DKK2: variants seen among roughly 807,000 people sequenced by gnomAD.
The protein encoded by DKK2 is dickkopf Wnt signaling pathway inhibitor 2.
Under a neutral mutation model 28.1 loss-of-function variants are expected in DKK2, and 11 were observed. That is an observed-to-expected ratio of 0.39 (90% CI 0.25 to 0.65). The LOEUF is 0.65. Ranked by LOEUF, DKK2 falls within the 30% of genes least tolerant of loss-of-function variation. The probability of loss-of-function intolerance (pLI) is 0.47; values close to 1 mark genes in which losing one functional copy is unlikely to be tolerated. For synonymous variants in DKK2, 135 were observed against 126.5 expected (o/e 1.07, Z -0.45); for missense variants, 326 against 335.5 (o/e 0.97, Z 0.22).
chr4:107,000,116 T>C (rs1210493754), intron 1 of DKK2, among the ~76,000 whole-genome samples: 2 of 152,166 alleles, frequency 1.3e-5, no homozygotes, highest in African/African-American at 4.8e-5. Context: ...TTATGAATAG[T>C]CAAGGATAAA....
chr4:106,980,748 C>T (rs1394398098), intron 1 of DKK2, among the ~76,000 whole-genome samples: 1 of 152,144 alleles, frequency 6.6e-6, no homozygotes, highest in Non-Finnish European at 1.5e-5. Context: ...ATTAAATGCA[C>T]TGTCATATTG....
intron 1 of DKK2, among the ~76,000 whole-genome samples, chr4:106,982,828 C>T (rs189798853): frequency 1.9e-3 from 277 of 145,210 alleles, no homozygotes; most frequent in African/African-American, 6.3e-3. Flanking sequence ...TGTTTGAGTC[C>T]AGAGTTCACA....
At chr4:106,964,307 T>C (rs1291615874) in intron 1 of DKK2, among the ~76,000 whole-genome samples, 2 of 152,116 alleles carry the variant, frequency 1.3e-5, no homozygotes, top group African/African-American at 4.8e-5. Flanking sequence ...TAAAAAATAT[T>C]GAACTCCTGG....
chr4:106,993,688 C>A (rs980272070), intron 1 of DKK2, among the ~76,000 whole-genome samples: 6 of 151,808 alleles, frequency 4.0e-5, no homozygotes, highest in African/African-American at 1.5e-4. Context: ...TGTTTTAAAC[C>A]TTTACATAAT....
Position 106,923,886 on chromosome 4 carries a change from C to T in DKK2, c.*68G>A, listed in dbSNP as rs943172094. ...TTCTTCTGCATCTGAACCTTATTTT[C>T]CACCATGCTATAATGCATTAAATAC... On this transcript the variant is annotated 3_prime_UTR_variant, in exon 4 of 4. Coordinates refer to ENST00000285311, the MANE Select transcript of DKK2 (RefSeq NM_014421.3). The T allele has an allele frequency of 5.8e-5, 91 of 1,574,194 alleles. 1 individual carries two copies. Among genetic ancestry groups the T allele is most frequent in the Non-Finnish European group, 4.8e-5 (55 of 1,155,534 alleles).
At chr4:106,968,985 G>C (rs1200613875) in intron 1 of DKK2, among the ~76,000 whole-genome samples, 2 of 152,026 alleles carry the variant, frequency 1.3e-5, no homozygotes, top group African/African-American at 4.8e-5. Context: ...TCAATTTATA[G>C]GCATGCGGAA....
chr4:106,953,177 G>T (rs937916717), intron 1 of DKK2, among the ~76,000 whole-genome samples: 5 of 152,026 alleles, frequency 3.3e-5, no homozygotes, highest in African/African-American at 1.2e-4. Flanking sequence ...AAATTTTTCT[G>T]TAGACACCAG....
At chr4:106,956,284 C>T (rs1011037289) in intron 1 of DKK2, among the ~76,000 whole-genome samples, 5 of 152,152 alleles carry the variant, frequency 3.3e-5, no homozygotes, top group Non-Finnish European at 7.4e-5. Context: ...ATTCCATGCT[C>T]ATGGGTAGGA....
intron 1 of DKK2, among the ~76,000 whole-genome samples, chr4:106,970,102 T>C (rs1285238029): frequency 6.6e-6 from 1 of 152,128 alleles, no homozygotes; most frequent in Non-Finnish European, 1.5e-5. Context: ...GTTCTACCAC[T>C]TATGAGATGC....
chr4:106,965,007 T>TGATAGATAGATAGATA (rs1722751090), intron 1 of DKK2, among the ~76,000 whole-genome samples: 1 of 126,172 alleles, frequency 7.9e-6, no homozygotes, highest in African/African-American at 2.9e-5. Flanking sequence ...ATAGATAGAT[T>TGATAGATAGATAGATA]GATTGATTCT....
chr4:106,983,280 AAGAG>A (rs767038401), intron 1 of DKK2, among the ~76,000 whole-genome samples: 1 of 150,696 alleles, frequency 6.6e-6, no homozygotes, highest in Non-Finnish European at 1.5e-5. Context: ...TACAGAGAGA[AAGAG>A]AGAAGAAAGA....
At chr4:106,983,517 G>T (rs372257735) in intron 1 of DKK2, among the ~76,000 whole-genome samples, 164 of 152,186 alleles carry the variant, frequency 1.1e-3, no homozygotes, top group African/African-American at 3.8e-3. Context: ...AGTATGAAAA[G>T]ACTTTGGAAA....
chr4:106,923,700 T>G lies in DKK2; in HGVS notation c.*254A>C, dbSNP rs1724382043. ...CACTGTGTGCTTGTTCTCTTAATAA[T>G]AGCATTTTCCACAAATGTGTACATT... On this transcript the variant is annotated 3_prime_UTR_variant, in exon 4 of 4. Coordinates refer to ENST00000285311, the MANE Select transcript of DKK2 (RefSeq NM_014421.3). 2.2e-6 allele frequency: 1 copy of G among 459,100 alleles called. No homozygotes were observed. Among genetic ancestry groups the G allele is most frequent in the East Asian group, 4.1e-5 (1 of 24,128 alleles). 28.4% of individuals were successfully genotyped at this position (459,100 alleles called of 1,614,324 possible). A position where few individuals can be genotyped will look rare whatever the true frequency, so the allele number is the denominator to read the frequency against.
intron 1 of DKK2, among the ~76,000 whole-genome samples, chr4:106,970,330 C>G (rs756132901): frequency 1.1e-4 from 16 of 152,140 alleles, no homozygotes; most frequent in Admixed American, 8.5e-4. Flanking sequence ...AATAGTGGAT[C>G]TGGAAGAGAG....
At chr4:107,003,032 G>A (rs180904005) in intron 1 of DKK2, among the ~76,000 whole-genome samples, 2 of 152,170 alleles carry the variant, frequency 1.3e-5, no homozygotes, top group Non-Finnish European at 2.9e-5. Context: ...TAGATTGAAA[G>A]TGAGACTTTT....
intron 1 of DKK2, among the ~76,000 whole-genome samples, chr4:107,000,826 A>C (rs1456100097): frequency 6.6e-6 from 1 of 152,164 alleles, no homozygotes; most frequent in East Asian, 1.9e-4. Context: ...ATCAAGTATG[A>C]TGTCCATGGC....
At chr4:107,006,642 T>C (rs1723441959) in intron 1 of DKK2, among the ~76,000 whole-genome samples, 1 of 152,182 alleles carries the variant, frequency 6.6e-6, no homozygotes, top group Non-Finnish European at 1.5e-5. Context: ...TTCCACTTTT[T>C]ACTCTGCTCG....
chr4:106,965,916 G>C (rs1319481192), intron 1 of DKK2, among the ~76,000 whole-genome samples: 3 of 150,738 alleles, frequency 2.0e-5, no homozygotes, highest in Non-Finnish European at 2.9e-5. Context: ...CCCTACAAAG[G>C]ACATGAACTC....
chr4:107,012,704 C>A (rs1196441675), intron 1 of DKK2, among the ~76,000 whole-genome samples: 1 of 151,260 alleles, frequency 6.6e-6, no homozygotes, highest in South Asian at 2.1e-4. Flanking sequence ...GGTCCAAGTT[C>A]TACTTTTATA....
Sources: allele counts gnomAD v4.1 joint callset (sites outside exome capture counted in the v4.1 genomes callset), GRCh38; gene constraint gnomAD v4.1.1; transcripts MANE v1.5; gene names NCBI Gene and HGNC (gene_info 2026-07-23, HGNC 2026-07-21).